The following ZFTRAF1 variants were observed in gnomAD, a reference collection of about 807,000 sequenced individuals.
ZFTRAF1 encodes zinc finger TRAF-type-containing protein 1.
chr8:144,457,120 ACAT>A, the ZFTRAF1 span: 2 of 151,592 alleles, frequency 1.3e-5, no homozygotes, highest in African/African-American at 2.4e-5. Context: ...ACAGGGGATG[ACAT>A]CATGTGGTGA....
At chr8:144,451,911 G>A in the ZFTRAF1 span, 1 of 260,042 alleles carries the variant, frequency 3.8e-6, no homozygotes, top group African/African-American at 2.2e-5. Context: ...GAGGCCCATG[G>A]CCGGGGCAGT....
the ZFTRAF1 span, chr8:144,462,319 G>A: frequency 1.6e-5 from 9 of 578,436 alleles, no homozygotes; most frequent in Admixed American, 1.2e-4. Flanking sequence ...CCAGGCACAC[G>A]GTGCAGCACA....
chr8:144,454,404 C>T, the ZFTRAF1 span: 1 of 152,376 alleles, frequency 6.6e-6, no homozygotes, highest in African/African-American at 2.4e-5. Context: ...TTCCCACAGC[C>T]CTGGCTGGAG....
At chr8:144,450,174 G>A in the ZFTRAF1 span, 1 of 560,680 alleles carries the variant, frequency 1.8e-6, no homozygotes, top group South Asian at 2.1e-5. Flanking sequence ...GCCCTCGGAA[G>A]GAGGGGAGGC....
At chr8:144,462,738 T>TGCC in the ZFTRAF1 span, 246 of 139,198 alleles carry the variant, frequency 1.8e-3, no homozygotes, top group African/African-American at 6.0e-3. Flanking sequence ...GCCGCTCTCC[T>TGCC]GCCGCCGCCG....
chr8:144,453,098 T>C, the ZFTRAF1 span: 3 of 841,044 alleles, frequency 3.6e-6, no homozygotes, highest in Middle Eastern at 7.2e-4. Context: ...GCTACACAGG[T>C]GGTCCCCAAG....
the ZFTRAF1 span, chr8:144,453,431 G>A: frequency 6.4e-7 from 1 of 1,551,110 alleles, no homozygotes; most frequent in East Asian, 2.4e-5. Context: ...GGATAAAACA[G>A]CCAGCGCACA....
the ZFTRAF1 span, among the ~76,000 whole-genome samples, chr8:144,458,822 T>C: frequency 6.6e-6 from 1 of 152,158 alleles, no homozygotes; most frequent in Non-Finnish European, 1.5e-5. Flanking sequence ...AGAGGACACC[T>C]CAGGCAGGAG....
At chr8:144,454,884 G>C in the ZFTRAF1 span, 1 of 152,300 alleles carries the variant, frequency 6.6e-6, no homozygotes, top group East Asian at 1.9e-4. Context: ...AGCACCTGTG[G>C]ACTAGGCCTA....
chr8:144,452,500 C>A, the ZFTRAF1 span: 1 of 1,544,906 alleles, frequency 6.5e-7, no homozygotes, highest in Non-Finnish European at 8.7e-7. Context: ...CACGCAGCCT[C>A]GTGCACCGTC....
the ZFTRAF1 span, among the ~76,000 whole-genome samples, chr8:144,458,829 G>C: frequency 6.6e-6 from 1 of 152,214 alleles, no homozygotes; most frequent in South Asian, 2.1e-4. Context: ...ACCTCAGGCA[G>C]GAGAGCATGG....
the ZFTRAF1 span, chr8:144,454,726 T>G: frequency 6.6e-6 from 1 of 152,104 alleles, no homozygotes; most frequent in Non-Finnish European, 1.5e-5. Flanking sequence ...CCCTGCCTGG[T>G]GGCGCTGGGA....
At chr8:144,456,581 G>T in the ZFTRAF1 span, 1 of 152,444 alleles carries the variant, frequency 6.6e-6, no homozygotes, top group East Asian at 1.9e-4. Flanking sequence ...CCCAAGGGAG[G>T]GGAGAGGAGG....
the ZFTRAF1 span, chr8:144,453,261 G>A: frequency 6.4e-7 from 1 of 1,551,046 alleles, no homozygotes; most frequent in South Asian, 1.2e-5. Context: ...CTCCAGGAGG[G>A]AGCGGGGAAA....
the ZFTRAF1 span, among the ~76,000 whole-genome samples, chr8:144,460,007 G>A: frequency 6.6e-6 from 1 of 152,212 alleles, no homozygotes; most frequent in Admixed American, 6.5e-5. Flanking sequence ...CACGCAGAAG[G>A]CAGCATGTGG....
the ZFTRAF1 span, chr8:144,452,265 G>T: frequency 7.3e-7 from 1 of 1,363,612 alleles, no homozygotes; most frequent in Non-Finnish European, 1.0e-6. Context: ...CGCTGTCAGT[G>T]CCCAGTGCCC....
the ZFTRAF1 span, chr8:144,462,512 G>A: frequency 6.1e-6 from 1 of 164,708 alleles, no homozygotes; most frequent in South Asian, 1.6e-4. Flanking sequence ...CCCAGGCCCC[G>A]CCGCCTCGCC....
the ZFTRAF1 span, chr8:144,462,488 G>A: frequency 6.4e-5 from 12 of 187,882 alleles, no homozygotes; most frequent in Admixed American, 3.0e-4. Context: ...CGCCAAGCCC[G>A]CCTCGTCCGG....
chr8:144,453,499 C>A, the ZFTRAF1 span: 1 of 1,513,200 alleles, frequency 6.6e-7, no homozygotes. Context: ...CACAGACCTG[C>A]GGGCTCATGC....
Sources: allele counts gnomAD v4.1 joint callset (sites outside exome capture counted in the v4.1 genomes callset), GRCh38; gene constraint gnomAD v4.1.1; transcripts MANE v1.5; gene names NCBI Gene and HGNC (gene_info 2026-07-23, HGNC 2026-07-21).